Variants in GNG7 observed in about 807,000 individuals in gnomAD.
GNG7 encodes the protein guanine nucleotide-binding protein G(I)/G(S)/G(O) subunit gamma-7.
In GNG7, 1 loss-of-function variant was observed where a neutral mutation model predicts 4.0. The observed-to-expected ratio is 0.25, with a 90% confidence interval of 0.09 to 1.18. The LOEUF (loss-of-function observed/expected upper bound fraction) is 1.18, where lower values mean the gene tolerates loss of function less well. Ranked by LOEUF, GNG7 falls within the 50% of genes most tolerant of loss-of-function variation. The probability of loss-of-function intolerance (pLI) is 0.50; values close to 1 mark genes in which losing one functional copy is unlikely to be tolerated. For missense variants in GNG7, 86 were observed against 91.9 expected (o/e 0.94, Z 0.26); for synonymous variants, 34 against 36.9 (o/e 0.92, Z 0.29).
intron 3 of GNG7, among the ~76,000 whole-genome samples, chr19:2,530,199 G>T (rs1457069245): frequency 6.7e-6 from 1 of 149,578 alleles, no homozygotes; most frequent in Non-Finnish European, 1.5e-5. Flanking sequence ...GATCACTTGA[G>T]GTCGGGAGTT....
intron 2 of GNG7, among the ~76,000 whole-genome samples, chr19:2,567,787 C>G (rs1252965292): frequency 6.6e-6 from 1 of 152,126 alleles, no homozygotes; most frequent in Non-Finnish European, 1.5e-5. Flanking sequence ...AGGATGAGAC[C>G]TAAAAGGTCA....
chr19:2,563,239 C>T (rs551558370), intron 2 of GNG7, among the ~76,000 whole-genome samples: 17 of 152,164 alleles, frequency 1.1e-4, no homozygotes, highest in Non-Finnish European at 2.2e-4. Flanking sequence ...TGAGCCACTG[C>T]GTCCGGCCCA....
chr19:2,636,218 G>T (rs1982304213), intron 2 of GNG7, among the ~76,000 whole-genome samples: 2 of 152,180 alleles, frequency 1.3e-5, no homozygotes, highest in African/African-American at 2.4e-5. Context: ...CCACTCAGGG[G>T]GTGGATGGAA....
At chr19:2,624,446 G>A (rs1157586884) in intron 2 of GNG7, among the ~76,000 whole-genome samples, 2 of 150,842 alleles carry the variant, frequency 1.3e-5, no homozygotes, top group Non-Finnish European at 2.9e-5. Flanking sequence ...CAGGAGAATG[G>A]CGAGAACCCG....
intron 2 of GNG7, chr19:2,595,152 G>C (rs998289064): frequency 6.8e-6 from 1 of 147,870 alleles, no homozygotes; most frequent in Admixed American, 6.7e-5. Context: ...TTTTGAGACG[G>C]AGTCTCACTC....
At chr19:2,515,318 A>G (rs1380269751) in intron 4 of GNG7, among the ~76,000 whole-genome samples, 171 bp from the exon 5 acceptor site, 1 of 152,214 alleles carries the variant, frequency 6.6e-6, no homozygotes, top group Non-Finnish European at 1.5e-5. Flanking sequence ...TTACTCAGCC[A>G]TGAAAAGGAG....
rs1358793732 is a variant in GNG7 at position 2,611,408 on chromosome 19, C to G, written c.-78+34816G>C. ...CCGACAGGCGGCCTCGCTGTCACCACTGAGTGAGCTCGAGGTGCCCCGTCC... is the reference window on the plus strand; with the variant it reads ...CCGACAGGCGGCCTCGCTGTCACCAGTGAGTGAGCTCGAGGTGCCCCGTCC... On this transcript the variant is annotated intron_variant, in intron 2 of 4. Coordinates refer to ENST00000382159, the MANE Select transcript of GNG7 (RefSeq NM_052847.3). The surrounding 1 kb of genome is among the most constrained non-coding windows in gnomAD (Gnocchi z 6.0). 2 of 152,288 alleles carry G rather than the reference C, an allele frequency of 1.3e-5. No individual in the cohort carries two copies. 9.4% of individuals were successfully genotyped at this position (152,288 alleles called of 1,614,324 possible).
At chr19:2,576,514 T>A (rs965053441) in intron 2 of GNG7, among the ~76,000 whole-genome samples, 1 of 152,206 alleles carries the variant, frequency 6.6e-6, no homozygotes, top group African/African-American at 2.4e-5. Context: ...CCTTGGGAAC[T>A]AAACTTGGTC....
chr19:2,568,150 C>A (rs1234850365), intron 2 of GNG7, among the ~76,000 whole-genome samples: 1 of 149,388 alleles, frequency 6.7e-6, no homozygotes, highest in Non-Finnish European at 1.5e-5. Flanking sequence ...TACACATGCA[C>A]ACACATACAC....
chr19:2,568,167 A>G (rs940381245), intron 2 of GNG7, among the ~76,000 whole-genome samples: 3 of 150,952 alleles, frequency 2.0e-5, no homozygotes, highest in South Asian at 2.1e-4. Flanking sequence ...ACACATACAT[A>G]CACACACATA....
At chr19:2,612,023 C>T (rs534183184) in intron 2 of GNG7, among the ~76,000 whole-genome samples, 101 of 151,990 alleles carry the variant, frequency 6.6e-4, no homozygotes, top group Admixed American at 2.0e-3. Context: ...TACAGGCACC[C>T]GCCACCACGC....
intron 3 of GNG7, among the ~76,000 whole-genome samples, chr19:2,553,833 A>G (rs1371202693): frequency 6.7e-5 from 10 of 148,180 alleles, no homozygotes; most frequent in Non-Finnish European, 1.2e-4. Context: ...TACATATTAT[A>G]TGTAATATTG....
At chr19:2,567,140 A>C (rs1979941442) in intron 2 of GNG7, among the ~76,000 whole-genome samples, 1 of 139,356 alleles carries the variant, frequency 7.2e-6, no homozygotes, top group African/African-American at 3.1e-5. Flanking sequence ...AACAAAAAAA[A>C]AACAAAAAAA....
intron 3 of GNG7, among the ~76,000 whole-genome samples, chr19:2,537,918 A>C (rs979358858): frequency 6.6e-6 from 1 of 152,092 alleles, no homozygotes; most frequent in Non-Finnish European, 1.5e-5. Flanking sequence ...TCTACCAAAA[A>C]ATACAAACAT....
intron 3 of GNG7, among the ~76,000 whole-genome samples, chr19:2,529,712 G>A (rs1288253838): frequency 6.6e-6 from 1 of 152,218 alleles, no homozygotes; most frequent in African/African-American, 2.4e-5. Context: ...TGGGGACTGT[G>A]AGTTGCATCA....
chr19:2,684,200 G>C (rs1016169816), intron 1 of GNG7, among the ~76,000 whole-genome samples: 1 of 149,318 alleles, frequency 6.7e-6, no homozygotes, highest in African/African-American at 2.5e-5. Flanking sequence ...GCAATGGTGC[G>C]ATCTCGGCTC....
intron 2 of GNG7, among the ~76,000 whole-genome samples, chr19:2,568,008 C>G (rs888577792): frequency 2.0e-5 from 3 of 152,136 alleles, no homozygotes; most frequent in Non-Finnish European, 2.9e-5. Context: ...CACCCAAAAA[C>G]AGAGACACGG....
intron 2 of GNG7, among the ~76,000 whole-genome samples, chr19:2,582,423 G>A (rs1432008519): frequency 6.6e-6 from 1 of 152,034 alleles, no homozygotes. Context: ...AAACTTTCAA[G>A]CTCTCCAGTA....
intron 1 of GNG7, chr19:2,700,611 T>C (rs1327991491): frequency 3.3e-5 from 5 of 152,160 alleles, no homozygotes; most frequent in African/African-American, 1.2e-4. Flanking sequence ...TTGAGTCCAT[T>C]ATTCTCCATG....
Sources: allele counts gnomAD v4.1 joint callset (sites outside exome capture counted in the v4.1 genomes callset), GRCh38; gene constraint gnomAD v4.1.1; non-coding constraint Gnocchi (gnomAD v3.1); transcripts MANE v1.5; gene names NCBI Gene and HGNC (gene_info 2026-07-23, HGNC 2026-07-21).